The following CALN1 variants were observed in gnomAD, a reference collection of about 807,000 sequenced individuals.
CALN1 encodes calcium-binding protein 8.
A neutral mutation model predicts 30.6 loss-of-function variants in CALN1; 17 were observed. The ratio of observed to expected loss-of-function variants is 0.56; its 90% confidence interval spans 0.38 to 0.83. CALN1 has a LOEUF of 0.83. Ranked by LOEUF, CALN1 falls within the 40% of genes least tolerant of loss-of-function variation. The probability of loss-of-function intolerance (pLI) is 0.00; values close to 1 mark genes in which losing one functional copy is unlikely to be tolerated. For synonymous variants in CALN1, 156 were observed against 131.4 expected (o/e 1.19, Z -1.28); for missense variants, 291 against 354.9 (o/e 0.82, Z 1.45).
At chr7:71,963,695 A>G (rs1304423764) in intron 5 of CALN1, among the ~76,000 whole-genome samples, 1 of 151,634 alleles carries the variant, frequency 6.6e-6, no homozygotes, top group African/African-American at 2.4e-5. Flanking sequence ...TCACCACTTT[A>G]TATGTTTTAT....
Position 72,037,362 on chromosome 7 carries a change from G to C in CALN1, c.389-13593C>G, listed in dbSNP as rs551052908. Among the ~76,000 whole-genome samples, 17 of 152,154 alleles carry C rather than the reference G, an allele frequency of 1.1e-4. No homozygotes were observed. In the South Asian group the frequency reaches 3.5e-3, roughly 32 times the overall value. The stretch of plus-strand genomic sequence containing the variant: ...AGATGGGGTTTCACTGTGTTAGCCA[G>C]GATGGTCTCCATCTCCTGACCTTGT... On this transcript the variant is annotated intron_variant, in intron 4 of 6. Transcript: ENST00000395275.
intron 5 of CALN1, among the ~76,000 whole-genome samples, chr7:71,818,034 G>A (rs1267814932): frequency 6.6e-6 from 1 of 152,046 alleles, no homozygotes; most frequent in Non-Finnish European, 1.5e-5. Context: ...CCAACAAATG[G>A]TTATTGGGAA....
chr7:71,984,194 G>A (rs906093883), intron 5 of CALN1, among the ~76,000 whole-genome samples: 3 of 152,186 alleles, frequency 2.0e-5, no homozygotes, highest in Middle Eastern at 6.3e-3. Context: ...TTTGCATAGT[G>A]GAGGGTGGAA....
intron 5 of CALN1, among the ~76,000 whole-genome samples, chr7:71,973,994 T>C (rs764406014): frequency 6.6e-6 from 1 of 152,156 alleles, no homozygotes. Flanking sequence ...TTCTTCAAAA[T>C]GTCTAAATAA....
At chr7:72,132,616 T>C (rs928156735) in intron 3 of CALN1, among the ~76,000 whole-genome samples, 2 of 152,230 alleles carry the variant, frequency 1.3e-5, no homozygotes, top group Admixed American at 6.5e-5. Flanking sequence ...CGCCGGCAGC[T>C]GCACAGCCAG....
chr7:71,811,756 G>A (rs969889008), intron 5 of CALN1, among the ~76,000 whole-genome samples: 1 of 149,368 alleles, frequency 6.7e-6, no homozygotes, highest in Non-Finnish European at 1.5e-5. Context: ...TCGGCTGACT[G>A]CAAACTCCAC....
At chr7:72,125,623 A>G (rs775507080) in intron 3 of CALN1, among the ~76,000 whole-genome samples, 43 of 152,116 alleles carry the variant, frequency 2.8e-4, no homozygotes, top group Non-Finnish European at 5.0e-4. Context: ...TTTTATTTCA[A>G]CAGTTTTTGG....
intron 3 of CALN1, among the ~76,000 whole-genome samples, chr7:72,137,475 T>C (rs556535888): frequency 6.6e-6 from 1 of 152,294 alleles, no homozygotes; most frequent in East Asian, 1.9e-4. Context: ...GAGCACATGC[T>C]CTTAGAAAAA....
intron 5 of CALN1, among the ~76,000 whole-genome samples, chr7:71,967,610 A>C (rs1471531139): frequency 6.9e-6 from 1 of 145,336 alleles, no homozygotes; most frequent in Non-Finnish European, 1.5e-5. Context: ...TGGGCGACAG[A>C]GTGAGACCCT....
intron 2 of CALN1, among the ~76,000 whole-genome samples, chr7:72,391,387 A>C (rs898643957): frequency 6.6e-6 from 1 of 152,170 alleles, no homozygotes; most frequent in Admixed American, 6.5e-5. Context: ...CTTCCCCTAG[A>C]ATCCTACTTT....
chr7:71,871,218 G>A (rs1791905762), intron 5 of CALN1, among the ~76,000 whole-genome samples: 1 of 152,024 alleles, frequency 6.6e-6, no homozygotes, highest in Admixed American at 6.6e-5. Flanking sequence ...AGACCCAGCT[G>A]AACATAAATT....
upstream of CALN1, among the ~76,000 whole-genome samples, chr7:72,448,547 T>A (rs139887971): frequency 2.1e-4 from 32 of 152,108 alleles, no homozygotes; most frequent in African/African-American, 7.5e-4. Context: ...GCACTTGGCA[T>A]CCCACACTAT....
chr7:72,417,822 C>CT (rs1807469933), intron 1 of CALN1, among the ~76,000 whole-genome samples: 1 of 152,106 alleles, frequency 6.6e-6, no homozygotes, highest in African/African-American at 2.4e-5. Flanking sequence ...ACACCCTGGC[C>CT]TTAAACATGA....
intron 2 of CALN1, among the ~76,000 whole-genome samples, chr7:72,396,409 G>A (rs1203007946): frequency 2.1e-5 from 3 of 139,742 alleles, no homozygotes; most frequent in African/African-American, 8.3e-5. Flanking sequence ...GGTGACAAAA[G>A]GAGACTCTGT....
chr7:71,813,552 AAACAT>A (rs1788085406), intron 5 of CALN1, among the ~76,000 whole-genome samples: 1 of 152,192 alleles, frequency 6.6e-6, no homozygotes, highest in Non-Finnish European at 1.5e-5. Context: ...AGCCAGATAA[AAACAT>A]AACTAAGTCC....
intron 5 of CALN1, among the ~76,000 whole-genome samples, chr7:71,991,951 G>A (rs1798977654): frequency 6.6e-6 from 1 of 152,240 alleles, no homozygotes; most frequent in Admixed American, 6.5e-5. Flanking sequence ...TATGGGAACT[G>A]AGTCACATAA....
intron 4 of CALN1, among the ~76,000 whole-genome samples, chr7:72,032,268 G>A (rs769449913): frequency 3.4e-5 from 5 of 148,830 alleles, no homozygotes; most frequent in Admixed American, 2.7e-4. Flanking sequence ...TCGTGGTCTC[G>A]ATCTCCTGAC....
At chr7:71,893,709 A>G (rs115025945) in intron 5 of CALN1, among the ~76,000 whole-genome samples, 1 of 152,032 alleles carries the variant, frequency 6.6e-6, no homozygotes, top group Non-Finnish European at 1.5e-5. Flanking sequence ...AGAAAAAAAA[A>G]AAAGAATAAG....
At chr7:72,011,061 G>A (rs746711579) in intron 5 of CALN1, among the ~76,000 whole-genome samples, 2 of 150,958 alleles carry the variant, frequency 1.3e-5, no homozygotes, top group African/African-American at 2.4e-5. Context: ...GCTGAGGCAG[G>A]AGAACTGCTT....
Sources: gnomAD v4.1 joint callset for allele counts (sites outside exome capture counted in the v4.1 genomes callset) on GRCh38, gnomAD v4.1.1 for gene constraint, MANE v1.5 for transcripts, NCBI Gene and HGNC (gene_info 2026-07-23, HGNC 2026-07-21) for gene names.